The following EDIL3 variants were observed in gnomAD, a reference collection of about 807,000 sequenced individuals.
EDIL3 encodes EGF-like repeat and discoidin I-like domain-containing protein 3.
Under a neutral mutation model 67.4 loss-of-function variants are expected in EDIL3, and 37 were observed. That is an observed-to-expected ratio of 0.55 (90% CI 0.42 to 0.72). The LOEUF is 0.72. Ranked by LOEUF, EDIL3 falls within the 30% of genes least tolerant of loss-of-function variation. The pLI is 0.00. For missense variants in EDIL3, 527 were observed against 586.3 expected, an observed-to-expected ratio of 0.90 and a Z score of 1.04; for synonymous variants, 195 against 196.3, an observed-to-expected ratio of 0.99 and a Z score of 0.05.
At chr5:84,256,151 CT>C (rs1342141657) in intron 1 of EDIL3, among the ~76,000 whole-genome samples, 44 of 142,668 alleles carry the variant, frequency 3.1e-4, no homozygotes, top group African/African-American at 8.2e-4. Flanking sequence ...TATCTATCAT[CT>C]ATCTATCTAT....
chr5:84,030,833 A>G (rs543095830), intron 9 of EDIL3, among the ~76,000 whole-genome samples: 2 of 152,198 alleles, frequency 1.3e-5, no homozygotes, highest in East Asian at 3.9e-4. Context: ...TGGCTTCAGT[A>G]CACTTCTGTA....
chr5:84,177,985 T>C (rs1169044880), intron 4 of EDIL3, among the ~76,000 whole-genome samples: 1 of 152,202 alleles, frequency 6.6e-6, no homozygotes, highest in Non-Finnish European at 1.5e-5. Flanking sequence ...CCAATATAGC[T>C]GTCTGAAAAA....
At chr5:84,362,323 C>T (rs1392730852) in intron 1 of EDIL3, among the ~76,000 whole-genome samples, 1 of 152,000 alleles carries the variant, frequency 6.6e-6, no homozygotes, top group East Asian at 1.9e-4. Flanking sequence ...AACTATTACA[C>T]CATGTGAATA....
intron 3 of EDIL3, among the ~76,000 whole-genome samples, chr5:84,214,723 GTT>G (rs1015168791): frequency 7.0e-6 from 1 of 143,276 alleles, no homozygotes; most frequent in Admixed American, 7.0e-5. Flanking sequence ...AGTGTGGTTT[GTT>G]TTTTTTTTTA....
intron 1 of EDIL3, among the ~76,000 whole-genome samples, chr5:84,275,298 TGA>T (rs1160458903): frequency 1.3e-5 from 2 of 152,322 alleles, no homozygotes; most frequent in African/African-American, 2.4e-5. Flanking sequence ...GCCACAAATA[TGA>T]GAGTGTCACA....
chr5:83,988,184 A>G (rs1237730065), intron 9 of EDIL3, among the ~76,000 whole-genome samples: 1 of 152,066 alleles, frequency 6.6e-6, no homozygotes, highest in African/African-American at 2.4e-5. Flanking sequence ...AGGCAGCCAA[A>G]ATCAACACAT....
chr5:84,262,659 G>GTT lies in EDIL3; in HGVS notation c.68-8449_68-8448dup, dbSNP rs773035274. 2.7e-3 allele frequency among the ~76,000 whole-genome samples: 123 copies of GTT among 46,308 alleles called. 29 individuals carry two copies. Among genetic ancestry groups the GTT allele is most frequent in the East Asian group, 0.012 (14 of 1,152 alleles). The allele number at this position is 46,308 out of a possible 152,430, so 30.4% of individuals were successfully genotyped here. On this transcript the variant is annotated intron_variant, in intron 1 of 10. Coordinates refer to ENST00000296591, the MANE Select transcript of EDIL3 (RefSeq NM_005711.5). ...AAACTACAATTCCCAAGGTTGGTTGGTTTTTTTTTTTTTTTTTTTTTTTTT... is the reference window on the plus strand; with the variant it reads ...AAACTACAATTCCCAAGGTTGGTTGGTTTTTTTTTTTTTTTTTTTTTTTTTTT...
intron 9 of EDIL3, among the ~76,000 whole-genome samples, chr5:83,999,531 A>G (rs1388079213): frequency 1.3e-5 from 2 of 152,130 alleles, no homozygotes; most frequent in Admixed American, 1.3e-4. Flanking sequence ...TTAGCAGCAG[A>G]ATTGATCAAG....
chr5:84,070,564 A>G (rs1446199872), intron 6 of EDIL3, among the ~76,000 whole-genome samples: 1 of 151,694 alleles, frequency 6.6e-6, no homozygotes, highest in African/African-American at 2.4e-5. Context: ...ACAACTTTCA[A>G]AGCTATATAC....
At chr5:84,005,549 A>C (rs1745397769) in intron 9 of EDIL3, among the ~76,000 whole-genome samples, 1 of 152,184 alleles carries the variant, frequency 6.6e-6, no homozygotes, top group Non-Finnish European at 1.5e-5. Flanking sequence ...GTGTTTCATC[A>C]CATACACAGA....
rs534064041 is a variant in EDIL3 at position 84,009,497 on chromosome 5, A to G, written c.1138-46137T>C. ...ATATGTTTAACATATTAAAGTCACC[A>G]TCTATCTATGATATAATTAACTATA... is the stretch of plus-strand genomic sequence containing the variant. On this transcript the variant is annotated intron_variant, in intron 9 of 10. Coordinates refer to ENST00000296591, the MANE Select transcript of EDIL3 (RefSeq NM_005711.5). Among the ~76,000 whole-genome samples the G allele has an allele frequency of 2.6e-5, 4 of 152,324 alleles. No homozygotes were observed. The South Asian group carries it at 8.3e-4, about 32-fold the overall frequency.
chr5:84,307,952 A>G (rs962636614), intron 1 of EDIL3, among the ~76,000 whole-genome samples: 3 of 152,184 alleles, frequency 2.0e-5, no homozygotes, highest in African/African-American at 4.8e-5. Context: ...AACTAGATCA[A>G]TGTAGGATTC....
chr5:84,181,302 C>T (rs192085762), intron 3 of EDIL3: 1 of 152,322 alleles, frequency 6.6e-6, no homozygotes, highest in Non-Finnish European at 1.5e-5. Flanking sequence ...TAGCTGACAA[C>T]ATTCAGCTAC....
intron 6 of EDIL3, among the ~76,000 whole-genome samples, chr5:84,092,195 T>C (rs1015924527): frequency 6.6e-6 from 1 of 152,154 alleles, no homozygotes; most frequent in Non-Finnish European, 1.5e-5. Flanking sequence ...AATTTTGAAT[T>C]TTTTTTATGA....
At chr5:84,111,599 C>G (rs1747565885) in intron 5 of EDIL3, among the ~76,000 whole-genome samples, 1 of 152,058 alleles carries the variant, frequency 6.6e-6, no homozygotes, top group African/African-American at 2.4e-5. Flanking sequence ...GATTCACATT[C>G]TAGTGGAGAG....
In EDIL3 at chr5:84,066,555, T is replaced by A; in HGVS notation, c.703A>T (p.Lys235Ter). The A allele has an allele frequency of 6.2e-7, 1 of 1,613,702 alleles. No homozygotes were observed. Among genetic ancestry groups the A allele is most frequent in the Non-Finnish European group, 8.5e-7 (1 of 1,179,878 alleles). The change falls in exon 7 of 11, where the codon AAG (lysine) becomes TAG (stop). Residue 235 changes from lysine (K) to a stop codon, truncating the protein, a stop_gained. Transcript: ENST00000296591. LOFTEE classifies it high-confidence loss of function. ...ATATACTCTGGGCTTCCAATCCTCTTGGCTCCTTGGGTAATCACACCAGTA... is the reference window on the plus strand; with the variant it reads ...ATATACTCTGGGCTTCCAATCCTCTAGGCTCCTTGGGTAATCACACCAGTA... ...RVTGVITQGA[K>*]RIGSPEYIKS...
chr5:84,172,591 AAAC>A (rs967996713), intron 4 of EDIL3, among the ~76,000 whole-genome samples: 23 of 151,872 alleles, frequency 1.5e-4, no homozygotes, highest in African/African-American at 4.6e-4. Context: ...CAAAAAAACA[AAAC>A]AACAACAACA....
At chr5:84,070,066 C>CGCTGAGCA (rs1306418880) in intron 6 of EDIL3, among the ~76,000 whole-genome samples, 1 of 152,068 alleles carries the variant, frequency 6.6e-6, no homozygotes, top group Non-Finnish European at 1.5e-5. Context: ...AGAGTCCTGC[C>CGCTGAGCA]GCTGAGCAGC....
intron 9 of EDIL3, among the ~76,000 whole-genome samples, chr5:84,022,038 CT>C (rs1230622487): frequency 6.6e-6 from 1 of 151,778 alleles, no homozygotes; most frequent in Non-Finnish European, 1.5e-5. Flanking sequence ...GAAATTCTTC[CT>C]AACTAATTCT....
Sources: gnomAD v4.1 joint callset for allele counts (sites outside exome capture counted in the v4.1 genomes callset) on GRCh38, gnomAD v4.1.1 for gene constraint, MANE v1.5 for transcripts, NCBI Gene and HGNC (gene_info 2026-07-23, HGNC 2026-07-21) for gene names.